Variants in CCSER1 observed in about 807,000 individuals in gnomAD.
CCSER1 encodes the protein coiled-coil serine rich protein 1, also known as serine-rich coiled-coil domain-containing protein 1.
CCSER1 carries 41 observed loss-of-function variants against 82.0 expected under a neutral mutation model. The ratio of observed to expected loss-of-function variants is 0.50; its 90% confidence interval spans 0.39 to 0.65. CCSER1 has a LOEUF of 0.65. CCSER1 is among the 30% of genes least tolerant of loss of function. The probability of loss-of-function intolerance (pLI) is 0.00; values close to 1 mark genes in which losing one functional copy is unlikely to be tolerated. For synonymous variants in CCSER1, 414 were observed against 383.9 expected (o/e 1.08, Z -0.92); for missense variants, 1,119 against 1,064.2 (o/e 1.05, Z -0.72).
At chr4:90,536,959 C>G (rs866331566) in intron 5 of CCSER1, among the ~76,000 whole-genome samples, 4 of 152,134 alleles carry the variant, frequency 2.6e-5, no homozygotes, top group Admixed American at 1.3e-4. Flanking sequence ...TCTCTTGCTT[C>G]GTATATTGGT....
intron 10 of CCSER1, among the ~76,000 whole-genome samples, chr4:91,295,079 A>G (rs1744050153): frequency 6.6e-6 from 1 of 152,008 alleles, no homozygotes; most frequent in South Asian, 2.1e-4. Context: ...GCTTGCTTAC[A>G]CAGTAGTGGA....
At chr4:91,594,410 CACAT>C (rs368368362) in intron 10 of CCSER1, among the ~76,000 whole-genome samples, 2 of 119,084 alleles carry the variant, frequency 1.7e-5, no homozygotes, top group African/African-American at 3.0e-5. Context: ...CACATATATA[CACAT>C]ATATATACAT....
chr4:90,673,509 T>C (rs1294297523), intron 6 of CCSER1, among the ~76,000 whole-genome samples: 1 of 151,970 alleles, frequency 6.6e-6, no homozygotes, highest in Admixed American at 6.6e-5. Context: ...ATCAATAGTA[T>C]TTGAAAACAA....
chr4:90,201,600 T>C (rs1004414767), intron 1 of CCSER1, among the ~76,000 whole-genome samples: 1 of 151,270 alleles, frequency 6.6e-6, no homozygotes, highest in Non-Finnish European at 1.5e-5. Flanking sequence ...TTATACTAAA[T>C]CTTTGAAATC....
Position 90,838,100 on chromosome 4 carries a change from T to C in CCSER1, c.2094+22255T>C, listed in dbSNP as rs577787841. Among the ~76,000 whole-genome samples the C allele has an allele frequency of 9.9e-5, 15 of 152,136 alleles. 1 individual carries two copies. In the South Asian group the frequency reaches 3.1e-3, roughly 32 times the overall value. On this transcript the variant is annotated intron_variant, in intron 8 of 10. Coordinates refer to ENST00000509176, the MANE Select transcript of CCSER1 (RefSeq NM_001145065.2). ...AAAAAAACCCAATCTTTTTAGTCTA[T>C]CAAAATTTAAAGGAAGACTTCTAAA... is the stretch of plus-strand genomic sequence containing the variant.
intron 10 of CCSER1, among the ~76,000 whole-genome samples, chr4:91,337,943 G>A (rs1387664167): frequency 6.6e-6 from 1 of 152,064 alleles, no homozygotes; most frequent in African/African-American, 2.4e-5. Flanking sequence ...GTGGAAGTGG[G>A]GGAAAACAGT....
intron 7 of CCSER1, among the ~76,000 whole-genome samples, chr4:90,755,116 G>A (rs928874922): frequency 6.6e-6 from 1 of 152,100 alleles, no homozygotes; most frequent in African/African-American, 2.4e-5. Flanking sequence ...CACATAACAC[G>A]TTTGCTTATG....
chr4:91,271,770 T>C (rs1742048651), intron 10 of CCSER1, among the ~76,000 whole-genome samples: 1 of 152,156 alleles, frequency 6.6e-6, no homozygotes, highest in Non-Finnish European at 1.5e-5. Context: ...TTGTTTGTTT[T>C]TGAGACGGAG....
At chr4:90,359,525 G>A (rs1366770207) in intron 3 of CCSER1, among the ~76,000 whole-genome samples, 2 of 151,876 alleles carry the variant, frequency 1.3e-5, no homozygotes, top group African/African-American at 4.8e-5. Context: ...GGATCATGAG[G>A]TCAGGAGTTC....
chr4:91,583,034 A>G (rs1253268456), intron 10 of CCSER1, among the ~76,000 whole-genome samples: 1 of 151,416 alleles, frequency 6.6e-6, no homozygotes, highest in Non-Finnish European at 1.5e-5. Flanking sequence ...ACTTAAGCCT[A>G]AACTATATAT....
chr4:90,212,198 A>C (rs1740146794), intron 1 of CCSER1, among the ~76,000 whole-genome samples: 1 of 152,130 alleles, frequency 6.6e-6, no homozygotes, highest in South Asian at 2.1e-4. Context: ...ATTCACTGTA[A>C]AGAGCTCAAG....
intron 7 of CCSER1, among the ~76,000 whole-genome samples, chr4:90,775,660 G>A (rs1294725298): frequency 6.6e-6 from 1 of 152,132 alleles, no homozygotes; most frequent in African/African-American, 2.4e-5. Context: ...ATGATAATGG[G>A]TTAATCGTAA....
chr4:90,339,206 T>C (rs1435517882), intron 3 of CCSER1, among the ~76,000 whole-genome samples: 1 of 152,184 alleles, frequency 6.6e-6, no homozygotes, highest in Non-Finnish European at 1.5e-5. Context: ...CTCTGAGAAC[T>C]CACATTTATG....
At chr4:91,412,786 C>T (rs1281118017) in intron 10 of CCSER1, among the ~76,000 whole-genome samples, 1 of 152,012 alleles carries the variant, frequency 6.6e-6, no homozygotes, top group African/African-American at 2.4e-5. Context: ...TGCACAGATA[C>T]CTACACAAGG....
chr4:91,496,616 A>AATATATATTTGAATATATATATT lies in CCSER1; in HGVS notation c.2218-101956_2218-101955insATATATATTTGAATATATATATT, dbSNP rs1279142591. On this transcript the variant is annotated intron_variant, in intron 10 of 10. Transcript: ENST00000509176. ...AATATATATTTGAATATATATATAC[A>AATATATATTTGAATATATATATT]CGAATATATATTTGAATATATATAT... is the stretch of plus-strand genomic sequence containing the variant. Among the ~76,000 whole-genome samples the AATATATATTTGAATATATATATT allele has an allele frequency of 4.8e-4, 10 of 21,030 alleles. 1 individual carries two copies. The highest frequency in any genetic ancestry group is 1.4e-3 in the African/African-American group (10 of 7,328). The allele number at this position is 21,030 out of a possible 152,430, so 13.8% of individuals were successfully genotyped here. A position where few individuals can be genotyped will look rare whatever the true frequency, so the allele number is the denominator to read the frequency against.
chr4:91,155,345 T>A (rs984499110), intron 10 of CCSER1, among the ~76,000 whole-genome samples: 1 of 151,942 alleles, frequency 6.6e-6, no homozygotes, highest in African/African-American at 2.4e-5. Flanking sequence ...GGCTTTTTGC[T>A]CTTTCTTCAT....
At chr4:90,224,968 A>G (rs1742861158) in intron 1 of CCSER1, among the ~76,000 whole-genome samples, 1 of 152,074 alleles carries the variant, frequency 6.6e-6, no homozygotes, top group Non-Finnish European at 1.5e-5. Flanking sequence ...TCATGTATAC[A>G]ACTTCCCAAT....
chr4:91,059,720 T>C (rs1291585851), intron 9 of CCSER1, among the ~76,000 whole-genome samples: 2 of 152,020 alleles, frequency 1.3e-5, no homozygotes, highest in African/African-American at 4.8e-5. Context: ...ATGTGACCAC[T>C]TCCTAGTTTT....
intron 10 of CCSER1, among the ~76,000 whole-genome samples, chr4:91,233,905 T>C (rs1205641773): frequency 1.3e-5 from 2 of 151,936 alleles, no homozygotes; most frequent in African/African-American, 4.8e-5. Flanking sequence ...AAGCAATTAC[T>C]AATATATTCA....
Sources: allele counts gnomAD v4.1 joint callset (sites outside exome capture counted in the v4.1 genomes callset), GRCh38; gene constraint gnomAD v4.1.1; transcripts MANE v1.5; gene names NCBI Gene and HGNC (gene_info 2026-07-23, HGNC 2026-07-21).